The following LINGO2 variants were observed in gnomAD, a reference collection of about 807,000 sequenced individuals.
LINGO2 encodes leucine-rich repeat and immunoglobulin-like domain-containing nogo receptor-interacting protein 2.
LINGO2 carries 14 observed loss-of-function variants against 30.6 expected under a neutral mutation model. The ratio of observed to expected loss-of-function variants is 0.46; its 90% CI spans 0.30 to 0.72. The LOEUF (loss-of-function observed/expected upper bound fraction) is 0.72, where lower values mean the gene tolerates loss of function less well. Among genes scored for constraint, LINGO2 ranks in the 30% least tolerant of loss-of-function variants. The probability of loss-of-function intolerance (pLI) is 0.07; values close to 1 mark genes in which losing one functional copy is unlikely to be tolerated. For missense variants in LINGO2, 729 were observed against 751.7 expected, an observed-to-expected ratio of 0.97 and a Z score of 0.35; for synonymous variants, 317 against 288.5, an observed-to-expected ratio of 1.10 and a Z score of -1.00.
Position 28,166,788 on chromosome 9 carries a change from AAAAC to A in LINGO2, c.-87+128416_-87+128419del, listed in dbSNP as rs1362448090. Among the ~76,000 whole-genome samples the A allele has an allele frequency of 3.3e-5, 5 of 152,226 alleles. No individual in the cohort carries two copies. The South Asian group carries it at 6.2e-4, about 19-fold the overall frequency. On this transcript the variant is annotated intron_variant, in intron 4 of 5. Coordinates refer to ENST00000379992, the Ensembl canonical transcript of LINGO2. ...GTCTTTATTTCTCGGCAAAAAACAA[AAAAC>A]AAACAAACAAAAAAATCAGAGTGAA...
chr9:28,496,258 G>C (rs566479028), intron 1 of LINGO2, among the ~76,000 whole-genome samples: 32 of 152,110 alleles, frequency 2.1e-4, no homozygotes, highest in African/African-American at 7.5e-4. Flanking sequence ...TTGACAGTGG[G>C]GTGTTAAAGT....
chr9:28,687,593 G>C, the LINGO2 span, among the ~76,000 whole-genome samples: 4 of 152,012 alleles, frequency 2.6e-5, no homozygotes, highest in African/African-American at 9.7e-5. Flanking sequence ...ACATATGTAG[G>C]TCATTTGTCC....
intron 4 of LINGO2, among the ~76,000 whole-genome samples, chr9:28,089,279 A>G (rs1403785783): frequency 2.6e-5 from 4 of 152,202 alleles, no homozygotes; most frequent in Non-Finnish European, 5.9e-5. Flanking sequence ...TCAGCACCAC[A>G]TCACACTTAT....
chr9:28,800,727 A>C, the LINGO2 span, among the ~76,000 whole-genome samples: 1 of 152,112 alleles, frequency 6.6e-6, no homozygotes, highest in Non-Finnish European at 1.5e-5. Context: ...GACAGTAAAC[A>C]TTCATCAAGT....
intron 2 of LINGO2, among the ~76,000 whole-genome samples, chr9:28,394,599 G>A (rs567633331): frequency 2.0e-5 from 3 of 152,148 alleles, no homozygotes; most frequent in Non-Finnish European, 4.4e-5. Flanking sequence ...TACAAGATAG[G>A]TGATTAACCT....
chr9:29,103,841 T>C, the LINGO2 span, among the ~76,000 whole-genome samples: 7 of 152,186 alleles, frequency 4.6e-5, no homozygotes, highest in East Asian at 1.9e-4. Context: ...CACCAAATTA[T>C]AGTAGAGGCA....
chr9:28,443,915 T>C (rs1035023494), intron 2 of LINGO2, among the ~76,000 whole-genome samples: 12 of 151,714 alleles, frequency 7.9e-5, no homozygotes, highest in African/African-American at 2.7e-4. Context: ...CCAGGTGGAG[T>C]CCATGACCTG....
At chr9:27,999,856 T>C (rs937829485) in intron 5 of LINGO2, among the ~76,000 whole-genome samples, 1 of 152,096 alleles carries the variant, frequency 6.6e-6, no homozygotes, top group African/African-American at 2.4e-5. Flanking sequence ...ATGTATGCCA[T>C]TAAAAGTAAT....
chr9:29,196,569 T>G, the LINGO2 span, among the ~76,000 whole-genome samples: 307 of 152,156 alleles, frequency 2.0e-3, 1 homozygote, highest in Non-Finnish European at 2.3e-3. Flanking sequence ...GTTATATTGA[T>G]AGACAACCTT....
intron 2 of LINGO2, among the ~76,000 whole-genome samples, chr9:28,433,338 C>T (rs1210294939): frequency 6.6e-6 from 1 of 152,052 alleles, no homozygotes; most frequent in Non-Finnish European, 1.5e-5. Flanking sequence ...CTCCAAAACT[C>T]TTCCACTTCT....
At chr9:29,143,016 G>T in the LINGO2 span, among the ~76,000 whole-genome samples, 2 of 151,314 alleles carry the variant, frequency 1.3e-5, no homozygotes, top group East Asian at 3.9e-4. Context: ...AATCCAAAAC[G>T]TAAATTAAGA....
intron 4 of LINGO2, among the ~76,000 whole-genome samples, chr9:28,286,370 A>G (rs905148215): frequency 1.3e-5 from 2 of 152,240 alleles, no homozygotes; most frequent in African/African-American, 4.8e-5. Flanking sequence ...GGAAGTTTAA[A>G]TTCGTTCAGC....
the LINGO2 span, among the ~76,000 whole-genome samples, chr9:29,130,338 A>G: frequency 1.3e-5 from 2 of 152,140 alleles, no homozygotes; most frequent in Non-Finnish European, 2.9e-5. Flanking sequence ...CTCCAAAGTG[A>G]TAACAGCCTT....
the LINGO2 span, among the ~76,000 whole-genome samples, chr9:28,966,558 A>G: frequency 6.6e-6 from 1 of 152,118 alleles, no homozygotes; most frequent in Non-Finnish European, 1.5e-5. Flanking sequence ...ATGTAGTACT[A>G]TTACTCCTAT....
chr9:28,975,966 T>C, the LINGO2 span, among the ~76,000 whole-genome samples: 1 of 152,312 alleles, frequency 6.6e-6, no homozygotes. Context: ...CTTAGGTGAT[T>C]GATTTTTATT....
chr9:28,106,885 C>G (rs1032824354), intron 4 of LINGO2, among the ~76,000 whole-genome samples: 1 of 152,142 alleles, frequency 6.6e-6, no homozygotes, highest in African/African-American at 2.4e-5. Flanking sequence ...GTTTTATTTA[C>G]ATACTTTTTC....
chr9:29,140,653 A>C, the LINGO2 span, among the ~76,000 whole-genome samples: 1 of 152,024 alleles, frequency 6.6e-6, no homozygotes, highest in Non-Finnish European at 1.5e-5. Flanking sequence ...GGAAGGAAAC[A>C]GACATCAGAA....
At chr9:29,164,717 C>T in the LINGO2 span, among the ~76,000 whole-genome samples, 1 of 152,146 alleles carries the variant, frequency 6.6e-6, no homozygotes, top group Non-Finnish European at 1.5e-5. Flanking sequence ...CACACATACA[C>T]ACACACACAA....
chr9:28,490,857 A>C (rs1438338374), intron 1 of LINGO2, among the ~76,000 whole-genome samples: 1 of 152,220 alleles, frequency 6.6e-6, no homozygotes, highest in Non-Finnish European at 1.5e-5. Flanking sequence ...CACTTCAAGA[A>C]AACTATTCTA....
Sources: allele counts gnomAD v4.1 joint callset (sites outside exome capture counted in the v4.1 genomes callset), GRCh38; gene constraint gnomAD v4.1.1; transcripts MANE v1.5; gene names NCBI Gene and HGNC (gene_info 2026-07-23, HGNC 2026-07-21).